KIAA1217: variants seen among roughly 807,000 people sequenced by gnomAD.
KIAA1217 encodes the protein sickle tail protein homolog.
KIAA1217 carries 88 observed loss-of-function variants against 163.9 expected under a neutral mutation model. The observed-to-expected ratio is 0.54, with a 90% CI of 0.45 to 0.64. KIAA1217 has a LOEUF of 0.64. Ranked by LOEUF, KIAA1217 falls within the 30% of genes least tolerant of loss-of-function variation. The pLI, the probability that KIAA1217 is intolerant of heterozygous loss-of-function variation, is 0.00. For synonymous variants in KIAA1217, 903 were observed against 923.1 expected (o/e 0.98, Z 0.39); for missense variants, 2,372 against 2,475.0 (o/e 0.96, Z 0.88).
At chr10:24,387,231 G>C (rs2054134541) in intron 3 of KIAA1217, among the ~76,000 whole-genome samples, 1 of 152,184 alleles carries the variant, frequency 6.6e-6, no homozygotes, top group South Asian at 2.1e-4. Context: ...TCATCCCTGG[G>C]ATGCAAGGCT....
chr10:24,274,350 A>C (rs61848077), intron 2 of KIAA1217, among the ~76,000 whole-genome samples: 1 of 149,568 alleles, frequency 6.7e-6, no homozygotes, highest in Non-Finnish European at 1.5e-5. Flanking sequence ...AAGTCCAGCT[A>C]ATTTTTTTTT....
At chr10:24,067,936 C>T (rs770249495) in intron 2 of KIAA1217, among the ~76,000 whole-genome samples, 8 of 152,202 alleles carry the variant, frequency 5.3e-5, no homozygotes, top group Non-Finnish European at 8.8e-5. Context: ...GTAGGACCCT[C>T]AGAGCCTTGT....
intron 5 of KIAA1217, among the ~76,000 whole-genome samples, chr10:24,440,213 A>C (rs2060375240): frequency 1.3e-5 from 2 of 152,228 alleles, no homozygotes; most frequent in Non-Finnish European, 2.9e-5. Flanking sequence ...TTTGCCAGTT[A>C]TACTTTATGT....
intron 2 of KIAA1217, among the ~76,000 whole-genome samples, chr10:24,151,312 T>A (rs1300683970): frequency 6.6e-6 from 1 of 151,666 alleles, no homozygotes; most frequent in Non-Finnish European, 1.5e-5. Context: ...ATTTTAAAAA[T>A]TTAGAGTTAG....
At chr10:24,468,636 G>T (rs2063188583) in intron 5 of KIAA1217, among the ~76,000 whole-genome samples, 1 of 152,158 alleles carries the variant, frequency 6.6e-6, no homozygotes, top group Admixed American at 6.5e-5. Flanking sequence ...AGTGGACAGG[G>T]CAGGGAAGAC....
rs543140779 is a variant in KIAA1217, at chr10:23,970,104, T to C, written c.-320-37121T>C. Among the ~76,000 whole-genome samples the C allele has an allele frequency of 7.2e-5, 11 of 152,302 alleles. No homozygotes were observed. The South Asian group carries it at 1.2e-3, about 17-fold the overall frequency. ...CACATGGGAATTATGGGAGCTATAG[T>C]TCAAGATGAGGTTTGGGTGGGGACA... On this transcript the variant is annotated intron_variant, in intron 1 of 18. Coordinates refer to the KIAA1217 transcript ENST00000376462.
At chr10:24,207,936 C>T (rs1057011730), upstream of KIAA1217, among the ~76,000 whole-genome samples, 1 of 152,142 alleles carries the variant, frequency 6.6e-6, no homozygotes, top group African/African-American at 2.4e-5. Context: ...CAATCTCAAA[C>T]CTTGCTGGAA....
intron 2 of KIAA1217, among the ~76,000 whole-genome samples, chr10:24,327,989 A>AT (rs1320120882): frequency 6.6e-6 from 1 of 152,116 alleles, no homozygotes; most frequent in African/African-American, 2.4e-5. Context: ...CAGAGGCTAA[A>AT]TATTCATGTC....
At chr10:24,100,894 A>C (rs1471607233) in intron 2 of KIAA1217, among the ~76,000 whole-genome samples, 1 of 152,200 alleles carries the variant, frequency 6.6e-6, no homozygotes, top group East Asian at 1.9e-4. Flanking sequence ...AAAATTCAGC[A>C]ATATACTCCT....
intron 2 of KIAA1217, among the ~76,000 whole-genome samples, chr10:24,326,579 A>G (rs991229864): frequency 6.6e-6 from 1 of 152,214 alleles, no homozygotes; most frequent in African/African-American, 2.4e-5. Context: ...ATCAAAAGCA[A>G]ATAGATGTGA....
chr10:24,520,775 G>A (rs1378039126), intron 11 of KIAA1217, among the ~76,000 whole-genome samples: 4 of 148,624 alleles, frequency 2.7e-5, no homozygotes. Flanking sequence ...GAGCCTGTGA[G>A]GTCAAGGCTA....
intron 3 of KIAA1217, among the ~76,000 whole-genome samples, chr10:24,401,896 A>G (rs963397410): frequency 1.3e-5 from 2 of 152,226 alleles, no homozygotes; most frequent in African/African-American, 2.4e-5. Flanking sequence ...TTGCATTTCT[A>G]TATACTAAGA....
At chr10:23,987,278 GAGGCAGGAGAAT>G (rs1846013841) in intron 1 of KIAA1217, among the ~76,000 whole-genome samples, 1 of 150,808 alleles carries the variant, frequency 6.6e-6, no homozygotes, top group South Asian at 2.1e-4. Flanking sequence ...TCCGGAGGCT[GAGGCAGGAGAAT>G]GGCGTGAACC....
chr10:24,236,911 C>T (rs1430195079), intron 2 of KIAA1217, among the ~76,000 whole-genome samples: 2 of 152,124 alleles, frequency 1.3e-5, no homozygotes, highest in African/African-American at 4.8e-5. Context: ...CTCAGCCTCC[C>T]AAAGTGCTAG....
At chr10:24,008,384 C>T (rs1320009393) in intron 2 of KIAA1217, among the ~76,000 whole-genome samples, 1 of 152,082 alleles carries the variant, frequency 6.6e-6, no homozygotes, top group Non-Finnish European at 1.5e-5. Context: ...TTTGCACCAG[C>T]TCTGACACAG....
At chr10:24,528,901 A>G (rs1348256992) in intron 14 of KIAA1217, among the ~76,000 whole-genome samples, 2 of 152,222 alleles carry the variant, frequency 1.3e-5, no homozygotes, top group African/African-American at 2.4e-5. Context: ...TATGTATTTA[A>G]CCAACTCAAC....
intron 3 of KIAA1217, among the ~76,000 whole-genome samples, chr10:24,422,901 CTTTTTT>C (rs58161228): frequency 3.0e-4 from 36 of 120,610 alleles, no homozygotes; most frequent in African/African-American, 4.0e-4. Context: ...ATAGATTTAA[CTTTTTT>C]TTTTTTTTTT....
intron 1 of KIAA1217, among the ~76,000 whole-genome samples, chr10:23,760,243 C>T (rs562922236): frequency 2.1e-5 from 3 of 141,996 alleles, no homozygotes; most frequent in Non-Finnish European, 4.4e-5. Flanking sequence ...GGCTCCCTTT[C>T]ACACTAGGCA....
intron 2 of KIAA1217, among the ~76,000 whole-genome samples, chr10:24,311,149 G>A (rs964547523): frequency 1.3e-5 from 2 of 152,204 alleles, no homozygotes; most frequent in Non-Finnish European, 2.9e-5. Context: ...CAGGCCGTAG[G>A]AGGTGATCTA....
Sources: gnomAD v4.1 joint callset for allele counts (sites outside exome capture counted in the v4.1 genomes callset) on GRCh38, gnomAD v4.1.1 for gene constraint, MANE v1.5 for transcripts, NCBI Gene and HGNC (gene_info 2026-07-23, HGNC 2026-07-21) for gene names.